The following SMURF2 variants were observed in gnomAD, a reference collection of about 807,000 sequenced individuals.
SMURF2 encodes SMAD specific E3 ubiquitin protein ligase 2.
In SMURF2, 48 loss-of-function variants were observed where a neutral mutation model predicts 109.6. That is an observed-to-expected ratio of 0.44 (90% confidence interval 0.35 to 0.56). SMURF2 has a LOEUF of 0.56. Among genes scored for constraint, SMURF2 ranks in the 20% least tolerant of loss-of-function variants. The pLI is 0.01. For missense variants in SMURF2, 575 were observed against 909.0 expected, an observed-to-expected ratio of 0.63 and a Z score of 4.72; for synonymous variants, 288 against 317.1, an observed-to-expected ratio of 0.91 and a Z score of 0.97.
chr17:64,559,043 T>TA (rs1268442273), intron 12 of SMURF2, among the ~76,000 whole-genome samples: 7 of 152,280 alleles, frequency 4.6e-5, no homozygotes, highest in Non-Finnish European at 1.0e-4. Context: ...CTCTAGAGAT[T>TA]AAAAAAAGAA....
At chr17:64,566,565 T>G (rs7215017) in intron 10 of SMURF2, among the ~76,000 whole-genome samples, 617 of 47,800 alleles carry the variant, frequency 0.013, 29 homozygotes, top group African/African-American at 0.045. Context: ...TTTCTGGTTT[T>G]TTTTTTTTTT....
intron 12 of SMURF2, among the ~76,000 whole-genome samples, chr17:64,559,675 G>A (rs1227238528): frequency 1.3e-5 from 2 of 151,716 alleles, no homozygotes; most frequent in East Asian, 3.9e-4. Flanking sequence ...GGAGGCGGAG[G>A]CTGGAGGATC....
At chr17:64,590,450 T>A (rs1441721164) in intron 5 of SMURF2, among the ~76,000 whole-genome samples, 1 of 152,150 alleles carries the variant, frequency 6.6e-6, no homozygotes, top group Admixed American at 6.6e-5. Context: ...GCCACATTTT[T>A]CTTCTTTAAT....
At chr17:64,599,381 A>T (rs781793137) in intron 2 of SMURF2, among the ~76,000 whole-genome samples, 1 of 152,208 alleles carries the variant, frequency 6.6e-6, no homozygotes, top group Non-Finnish European at 1.5e-5. Flanking sequence ...TCCAACAGTG[A>T]GTACAAGTAA....
chr17:64,551,466 C>T (rs782314395), intron 16 of SMURF2, 118 bp downstream of exon 16: 54 of 1,142,326 alleles, frequency 4.7e-5, no homozygotes, highest in Non-Finnish European at 6.0e-5. Context: ...AATTCTCAAG[C>T]ATAGAACCAT....
At chr17:64,617,889 G>A (rs572346640) in intron 1 of SMURF2, among the ~76,000 whole-genome samples, 71 of 152,006 alleles carry the variant, frequency 4.7e-4, no homozygotes, top group African/African-American at 1.2e-3. Flanking sequence ...ACAAACATGC[G>A]TACTTTTTAC....
intron 6 of SMURF2, among the ~76,000 whole-genome samples, chr17:64,585,828 AAG>A (rs879991828): frequency 2.6e-5 from 4 of 152,186 alleles, no homozygotes; most frequent in Non-Finnish European, 4.4e-5. Context: ...TAATATTTAC[AAG>A]AGAGTTATAT....
At chr17:64,632,638 A>C (rs141330657) in intron 1 of SMURF2, among the ~76,000 whole-genome samples, 13 of 152,344 alleles carry the variant, frequency 8.5e-5, no homozygotes, top group African/African-American at 3.1e-4. Flanking sequence ...TTTCAGCTGA[A>C]GGGGAAAATG....
chr17:64,562,251 T>A (rs1276225227), intron 11 of SMURF2, among the ~76,000 whole-genome samples: 1 of 107,520 alleles, frequency 9.3e-6, no homozygotes, highest in East Asian at 3.0e-4. Context: ...TGAGATTGCG[T>A]CACTGCACTC....
chr17:64,592,803 A>C (rs1441462503), intron 4 of SMURF2, among the ~76,000 whole-genome samples: 2 of 152,184 alleles, frequency 1.3e-5, no homozygotes, highest in African/African-American at 4.8e-5. Flanking sequence ...CATTATGAAA[A>C]CCACTTCTAA....
intron 3 of SMURF2, among the ~76,000 whole-genome samples, chr17:64,597,616 T>C (rs1555688197): frequency 1.3e-5 from 2 of 151,050 alleles, no homozygotes; most frequent in Non-Finnish European, 3.0e-5. Flanking sequence ...CTACTAAAAA[T>C]ACAAAAATTA....
chr17:64,625,057 G>A (rs758766063), intron 1 of SMURF2, among the ~76,000 whole-genome samples: 2 of 152,124 alleles, frequency 1.3e-5, no homozygotes, highest in Non-Finnish European at 2.9e-5. Context: ...CTACAGAGAA[G>A]GAAGCATAAG....
chr17:64,562,922 G>A lies in SMURF2; in HGVS notation c.1061C>T (p.Ser354Leu), dbSNP rs781904976. 5.6e-6 allele frequency: 9 copies of A among 1,613,904 alleles called. No homozygotes were observed. The highest frequency in any genetic ancestry group is 4.5e-5 in the East Asian group (2 of 44,878). Reference protein sequence around the residue: ...LKDQQQQQVVSLCPDDTECLT... With the variant: ...LKDQQQQQVVLLCPDDTECLT... ...GCATTCTGTGTCATCAGGACATAAC[G>A]ATACCACTTGCTGTTGCTGTTGGTC... The change falls in exon 11 of 19, where the codon TCG (serine) becomes TTG (leucine). Residue 354 changes from serine (S) to leucine (L), a missense_variant. Transcript: ENST00000262435.
At chr17:64,610,322 G>A (rs1281580334) in intron 1 of SMURF2, among the ~76,000 whole-genome samples, 1 of 152,100 alleles carries the variant, frequency 6.6e-6, no homozygotes, top group Non-Finnish European at 1.5e-5. Context: ...GTTTATTGTG[G>A]CACTATCCAC....
chr17:64,622,042 A>C (rs1247243353), intron 1 of SMURF2, among the ~76,000 whole-genome samples: 2 of 148,402 alleles, frequency 1.3e-5, no homozygotes, highest in Admixed American at 6.7e-5. Flanking sequence ...CCTGGGTGGC[A>C]GAGTGAGACC....
chr17:64,557,793 T>A, intron 12 of SMURF2, 71 bp from the exon 13 acceptor site: 1 of 754,314 alleles, frequency 1.3e-6, no homozygotes, highest in Non-Finnish European at 2.2e-6. Context: ...TGTCATTAAC[T>A]AATCATTTTA....
At chr17:64,616,337 T>A (rs1170537512) in intron 1 of SMURF2, among the ~76,000 whole-genome samples, 1 of 152,116 alleles carries the variant, frequency 6.6e-6, no homozygotes, top group East Asian at 1.9e-4. Flanking sequence ...GCATAGAGAC[T>A]TACCAGTGAT....
intron 6 of SMURF2, among the ~76,000 whole-genome samples, chr17:64,583,917 C>A (rs1969610877): frequency 6.6e-6 from 1 of 151,918 alleles, no homozygotes; most frequent in South Asian, 2.1e-4. Context: ...CCCGCCTCGG[C>A]CTCCCAAAGT....
At chr17:64,576,772 AT>A (rs1419124384) in intron 9 of SMURF2, among the ~76,000 whole-genome samples, 43 of 149,914 alleles carry the variant, frequency 2.9e-4, no homozygotes, top group Middle Eastern at 3.5e-3. Context: ...TTTTTCAAAG[AT>A]TTTTTTTTAA....
Sources: gnomAD v4.1 joint callset for allele counts (sites outside exome capture counted in the v4.1 genomes callset) on GRCh38, gnomAD v4.1.1 for gene constraint, MANE v1.5 for transcripts, NCBI Gene and HGNC (gene_info 2026-07-23, HGNC 2026-07-21) for gene names.